Variants in BCL9L observed in about 807,000 individuals in gnomAD.
BCL9L encodes the protein BCL9 like, also known as B-cell CLL/lymphoma 9-like protein.
BCL9L carries 19 observed loss-of-function variants against 99.4 expected under a neutral mutation model. The ratio of observed to expected loss-of-function variants is 0.19; its 90% CI spans 0.13 to 0.28. BCL9L has a LOEUF of 0.28. Ranked by LOEUF, BCL9L falls within the 10% of genes least tolerant of loss-of-function variation. The pLI, the probability that BCL9L is intolerant of heterozygous loss-of-function variation, is 1.00. For missense variants in BCL9L, 2,023 were observed against 2,101.6 expected, an observed-to-expected ratio of 0.96 and a Z score of 0.73; for synonymous variants, 900 against 854.8, an observed-to-expected ratio of 1.05 and a Z score of -0.92.
chr11:118,903,154 G>A lies in BCL9L; in HGVS notation c.750-80C>T, dbSNP rs1940357367. ...CCCTCACCCACCCCACCCTGCCCCTGCACGGGGCTCCCTCGGAACCCCAGG... is the reference window on the plus strand; with the variant it reads ...CCCTCACCCACCCCACCCTGCCCCTACACGGGGCTCCCTCGGAACCCCAGG... On this transcript the variant is annotated intron_variant, in intron 6 of 9. Coordinates refer to ENST00000683865, the MANE Select transcript of BCL9L (RefSeq NM_001378213.1). This position sits in a 1 kb window ranked among gnomAD's most constrained non-coding sequence, Gnocchi z 5.6. The A allele has an allele frequency of 2.6e-6, 4 of 1,542,374 alleles. No homozygotes were observed. Among genetic ancestry groups the A allele is most frequent in the South Asian group, 1.2e-5 (1 of 84,554 alleles).
rs1431113506 is a variant in BCL9L at position 118,896,628 on chromosome 11, CCA to C, written c.*1785_*1786del. The C allele has an allele frequency of 6.5e-6, 1 of 152,920 alleles. No homozygotes were observed. 9.5% of individuals were successfully genotyped at this position (152,920 alleles called of 1,614,324 possible). A position where few individuals can be genotyped will look rare whatever the true frequency, so the allele number is the denominator to read the frequency against. On this transcript the variant is annotated 3_prime_UTR_variant, in exon 10 of 10. Transcript: ENST00000683865. ...GTGAGTCAGGGGCCTGTTGTCAGCC[CCA>C]GAGGAAGCGCTGGACCTGGCCGATG...
intron 2 of BCL9L, among the ~76,000 whole-genome samples, chr11:118,917,720 C>T (rs1441403194): frequency 6.6e-6 from 1 of 152,200 alleles, no homozygotes; most frequent in Non-Finnish European, 1.5e-5. Context: ...CCCAGGTACC[C>T]GCCTGGCCTG....
chr11:118,903,330 G>C lies in BCL9L; in HGVS notation c.655C>G (p.Pro219Ala). 6.3e-7 allele frequency: 1 copy of C among 1,588,896 alleles called. No individual in the cohort carries two copies. Among genetic ancestry groups the C allele is most frequent in the South Asian group, 1.1e-5 (1 of 88,060 alleles). ...APHGPPPGLR[P>A]DAPGGGGGGG... ...CCGCCCCCGCCCCCAGGGGCATCAG[G>C]CCGAAGGCCAGGAGGAGGGCCGTGC... Residue 219 changes from proline to alanine, a missense_variant, in exon 6 of 10, where the codon CCT (proline) becomes GCT (alanine). Around this residue, in one of 3 missense-constraint regions of BCL9L, gnomAD observed 1,116 missense variants for 1,194.6 expected, o/e 0.93. Coordinates refer to ENST00000683865, the MANE Select transcript of BCL9L (RefSeq NM_001378213.1). This position sits in a 1 kb window ranked among gnomAD's most constrained non-coding sequence, Gnocchi z 5.6.
At chr11:118,911,224 G>C (rs1194545983) in intron 2 of BCL9L, 1 of 455,756 alleles carries the variant, frequency 2.2e-6, no homozygotes, top group African/African-American at 2.0e-5. Context: ...TCCAGCAGCC[G>C]ATCCCGGTCA....
intron 9 of BCL9L, 108 bp downstream of exon 9, chr11:118,899,809 A>G (rs2137681753): frequency 7.0e-7 from 1 of 1,423,838 alleles, no homozygotes; most frequent in Non-Finnish European, 9.4e-7. Context: ...CCACCCCCAC[A>G]CCCAGGGCCT....
In BCL9L at chr11:118,922,718, G is replaced by A. The variant is rs1322298246; in HGVS notation, c.-131+2520C>T. ...CTCCCCCCATCGGAGGTCAGCACCC[G>A]GGCAGTGCCCAGGGCTCTGGCACAA... On this transcript the variant is annotated intron_variant, in intron 1 of 9. Transcript: ENST00000683865. The surrounding 1 kb of genome is among the most constrained non-coding windows in gnomAD (Gnocchi z 6.2). 1.3e-5 allele frequency among the ~76,000 whole-genome samples: 2 copies of A among 152,108 alleles called. No homozygotes were observed. The highest frequency in any genetic ancestry group is 2.1e-4 in the South Asian group (1 of 4,816).
Position 118,907,596 on chromosome 11 carries a change from G to GCCACCTCTGCCCAGGCAGGA in BCL9L, c.413-14_418dup (p.Ala140ValfsTer49). 1 of 1,612,568 alleles carries GCCACCTCTGCCCAGGCAGGA rather than the reference G, an allele frequency of 6.2e-7. No individual in the cohort carries two copies. The highest frequency in any genetic ancestry group is 8.5e-7 in the Non-Finnish European group (1 of 1,180,022). Reference sequence around the variant, plus strand: ...CACACAGCGCCGCTTACTCCGCGGCGCCACCTCTGCCCAGGCAGGACGGAG... The same window carrying GCCACCTCTGCCCAGGCAGGA: ...CACACAGCGCCGCTTACTCCGCGGCGCCACCTCTGCCCAGGCAGGACCACCTCTGCCCAGGCAGGACGGAG... On this transcript the variant is annotated frameshift_variant, in exon 5 of 10. Transcript: ENST00000683865. LOFTEE classifies it high-confidence loss of function.
rs200598369 is a variant in BCL9L, at chr11:118,899,923, C to T, written c.3400G>A (p.Gly1134Arg). Residue 1134 changes from glycine (G) to arginine (R), a missense_variant, in exon 9 of 10, where the codon GGG (glycine) becomes AGG (arginine). Gly to Arg is a moderately radical substitution (Grantham distance 125, BLOSUM62 -2). This residue lies in a region of BCL9L where 902 missense variants were observed against 888.2 expected (regional missense o/e 1.02). Coordinates refer to ENST00000683865, the MANE Select transcript of BCL9L (RefSeq NM_001378213.1). ...LPPPPPPQGS[G>R]PGISNSQPSQ... ...CCCTGGCCTGTCCTCGCACCTGGCC[C>T]GGAGCCCTGCGGTGGTGGTGGGGGG... 29 of 1,612,150 alleles carry T rather than the reference C, an allele frequency of 1.8e-5. No homozygotes were observed. The highest frequency in any genetic ancestry group is 6.7e-5 in the Admixed American group (4 of 59,884).
rs774342902 is a variant in BCL9L at position 118,897,876 on chromosome 11, T to A, written c.*539A>T. ...GCACCTGCCCACCTGGCCAGCCGCC[T>A]GCAGGGAGGGGTGGGAGAGGGGTCA... On this transcript the variant is annotated 3_prime_UTR_variant, in exon 10 of 10. Transcript: ENST00000683865. The A allele has an allele frequency of 2.2e-6, 1 of 455,868 alleles. No individual in the cohort carries two copies. The allele number at this position is 455,868 out of a possible 1,614,324, so 28.2% of individuals were successfully genotyped here. A position where few individuals can be genotyped will look rare whatever the true frequency, so the allele number is the denominator to read the frequency against.
chr11:118,920,040 T>TA (rs1412046277), intron 1 of BCL9L, among the ~76,000 whole-genome samples: 2 of 152,156 alleles, frequency 1.3e-5, no homozygotes, highest in African/African-American at 4.8e-5. Flanking sequence ...GGTGGGGACG[T>TA]AAAAGGGACA....
At position 118,922,275 on chromosome 11, in the gene BCL9L, A is replaced by G. The variant is rs1243258192; in HGVS notation, c.-131+2963T>C. Among the ~76,000 whole-genome samples the G allele has an allele frequency of 2.0e-5, 3 of 152,154 alleles. No individual in the cohort carries two copies. The highest frequency in any genetic ancestry group is 4.8e-5 in the African/African-American group (2 of 41,438). On this transcript the variant is annotated intron_variant, in intron 1 of 9. Coordinates refer to ENST00000683865, the MANE Select transcript of BCL9L (RefSeq NM_001378213.1). This position sits in a 1 kb window ranked among gnomAD's most constrained non-coding sequence, Gnocchi z 6.2. The stretch of plus-strand genomic sequence containing the variant: ...CTTCAGGGCCGCCGAGCCAAGTGAC[A>G]TGCACCAGCTCAGGAGCTGCAGTGC...
chr11:118,916,106 G>T (rs933218101), intron 2 of BCL9L, among the ~76,000 whole-genome samples: 3 of 152,220 alleles, frequency 2.0e-5, no homozygotes, highest in Non-Finnish European at 4.4e-5. Flanking sequence ...AGGAGGCATG[G>T]CCAGTCCAGT....
At chr11:118,908,046 A>G (rs1940602980) in intron 4 of BCL9L, among the ~76,000 whole-genome samples, 1 of 152,206 alleles carries the variant, frequency 6.6e-6, no homozygotes, top group Non-Finnish European at 1.5e-5. Flanking sequence ...GAAGGAGTCC[A>G]GAAGTCCGAC....
Position 118,899,415 on chromosome 11 carries a change from G to A in BCL9L, c.3500C>T (p.Ser1167Phe). The change falls in exon 10 of 10, where the codon TCC becomes TTC. Residue 1167 changes from serine to phenylalanine, a missense_variant. Physicochemically the swap from Ser to Phe is radical, Grantham distance 155. This residue lies in a region of BCL9L where 902 missense variants were observed against 888.2 expected (regional missense o/e 1.02). Transcript: ENST00000683865. ...GMNLPGQQPL[S>F]HEPPPAMLPS... The stretch of plus-strand genomic sequence containing the variant: ...CAGCATGGCGGGCGGGGGCTCATGG[G>A]ACAGGGGCTGCTGGCCTGGCAGGTT... The A allele has an allele frequency of 6.3e-7, 1 of 1,593,720 alleles. No individual in the cohort carries two copies. Among genetic ancestry groups the A allele is most frequent in the South Asian group, 1.1e-5 (1 of 87,684 alleles).
Position 118,902,388 on chromosome 11 carries a change from TG to T in BCL9L, c.1354del (p.Gln452SerfsTer11), listed in dbSNP as rs756382429. Reference sequence around the variant, plus strand: ...GCTGGGAGGGGCCGTGGGTGGCTGCTGGGGGGGAGGGGGGGCTTGTGCTGGT... The same window carrying T: ...GCTGGGAGGGGCCGTGGGTGGCTGCTGGGGGGAGGGGGGGCTTGTGCTGGT... ...GPPAQAPPPP[Q>X]QPPTAPPSGL... On this transcript the variant is annotated frameshift_variant, in exon 8 of 10. Coordinates refer to ENST00000683865, the MANE Select transcript of BCL9L (RefSeq NM_001378213.1). LOFTEE classifies it high-confidence loss of function. This position sits in a 1 kb window ranked among gnomAD's most constrained non-coding sequence, Gnocchi z 7.8. 2.8e-5 allele frequency: 13 copies of T among 469,988 alleles called. No homozygotes were observed. Among genetic ancestry groups the T allele is most frequent in the South Asian group, 4.3e-5 (2 of 46,144 alleles). The allele number at this position is 469,988 out of a possible 1,614,324, so 29.1% of individuals were successfully genotyped here. A position where few individuals can be genotyped will look rare whatever the true frequency, so the allele number is the denominator to read the frequency against.
chr11:118,909,990 C>A lies in BCL9L; in HGVS notation c.-51G>T. ...GCCCCTGTGCGTGCCCAGGGCCCAGCCAGGTACTCGGTACTGGAGCACGGA... is the reference window on the plus strand; with the variant it reads ...GCCCCTGTGCGTGCCCAGGGCCCAGACAGGTACTCGGTACTGGAGCACGGA... On this transcript the variant is annotated 5_prime_UTR_variant, in exon 3 of 10. Coordinates refer to ENST00000683865, the MANE Select transcript of BCL9L (RefSeq NM_001378213.1). 6.2e-7 allele frequency: 1 copy of A among 1,613,384 alleles called. No homozygotes were observed. Among genetic ancestry groups the A allele is most frequent in the Non-Finnish European group, 8.5e-7 (1 of 1,179,610 alleles).
chr11:118,899,223 C>T lies in BCL9L; in HGVS notation c.3692G>A (p.Arg1231Gln), dbSNP rs1270444890. ...SSSQMMPFPP[R>Q]LQQPHGAMAP... Reference sequence around the variant, plus strand: ...CATGGCACCATGGGGCTGCTGCAGCCGAGGGGGGAAGGGCATCATCTGGGA... The same window carrying T: ...CATGGCACCATGGGGCTGCTGCAGCTGAGGGGGGAAGGGCATCATCTGGGA... Residue 1231 changes from arginine to glutamine, a missense_variant, in exon 10 of 10, where the codon CGG becomes CAG. Physicochemically the swap from Arg to Gln is conservative, Grantham distance 43 (BLOSUM62 1). Transcript: ENST00000683865. 9.3e-6 allele frequency: 14 copies of T among 1,507,300 alleles called. No individual in the cohort carries two copies. The highest frequency in any genetic ancestry group is 5.4e-5 in the South Asian group (4 of 74,190). 93.4% of individuals were successfully genotyped at this position (1,507,300 alleles called of 1,614,324 possible). A position where few individuals can be genotyped will look rare whatever the true frequency, so the allele number is the denominator to read the frequency against.
At chr11:118,916,118 G>T (rs1051626186) in intron 2 of BCL9L, among the ~76,000 whole-genome samples, 3 of 152,206 alleles carry the variant, frequency 2.0e-5, no homozygotes, top group African/African-American at 7.2e-5. Flanking sequence ...CAGTCCAGTA[G>T]CAAGGCATGG....
In BCL9L at chr11:118,901,300, C is replaced by T; in HGVS notation, c.2443G>A (p.Glu815Lys). ...TGGGCCCGAACCCGGGCCATCTCCT[C>T]AGGACTGAGGCCCTGGGGCCCCATC... ...DLMGPQGLSP[E>K]EMARVRAQNS... Residue 815 changes from glutamate (E) to lysine (K), a missense_variant, in exon 8 of 10, where the codon GAG becomes AAG. Physicochemically the swap from Glu to Lys is moderately conservative, Grantham distance 56. Around this residue, in one of 3 missense-constraint regions of BCL9L, gnomAD observed 1,116 missense variants for 1,194.6 expected, o/e 0.93. Coordinates refer to ENST00000683865, the MANE Select transcript of BCL9L (RefSeq NM_001378213.1). This position sits in a 1 kb window ranked among gnomAD's most constrained non-coding sequence, Gnocchi z 6.6. 1 of 1,613,986 alleles carries T rather than the reference C, an allele frequency of 6.2e-7. No individual in the cohort carries two copies. Among genetic ancestry groups the T allele is most frequent in the Admixed American group, 1.7e-5 (1 of 60,030 alleles).
Sources: gnomAD v4.1 joint callset for allele counts (sites outside exome capture counted in the v4.1 genomes callset) on GRCh38, gnomAD v4.1.1 for gene constraint, gnomAD v4.1.1 regional missense constraint, Gnocchi (gnomAD v3.1) non-coding constraint, MANE v1.5 for transcripts, NCBI Gene and HGNC (gene_info 2026-07-23, HGNC 2026-07-21) for gene names.